The following CDH12 variants were observed in gnomAD, a reference collection of about 807,000 sequenced individuals.
CDH12 encodes the protein cadherin 12, also known as cadherin-12.
CDH12 carries 41 observed loss-of-function variants against 74.1 expected under a neutral mutation model. That is an observed-to-expected ratio of 0.55 (90% confidence interval 0.43 to 0.72). The LOEUF (loss-of-function observed/expected upper bound fraction) is 0.72. CDH12 is among the 30% of genes least tolerant of loss of function. The pLI, the probability that CDH12 is intolerant of heterozygous loss-of-function variation, is 0.00. For missense variants in CDH12, 945 were observed against 977.2 expected, an observed-to-expected ratio of 0.97 and a Z score of 0.44; for synonymous variants, 399 against 355.0, an observed-to-expected ratio of 1.12 and a Z score of -1.39.
At chr5:22,048,541 G>A (rs879857513) in intron 5 of CDH12, among the ~76,000 whole-genome samples, 5 of 152,028 alleles carry the variant, frequency 3.3e-5, no homozygotes, top group African/African-American at 7.2e-5. Context: ...ATTGAATGGC[G>A]GGGAAAGGTA....
At chr5:22,134,293 G>T (rs1021532970) in intron 4 of CDH12, among the ~76,000 whole-genome samples, 10 of 152,052 alleles carry the variant, frequency 6.6e-5, no homozygotes, top group African/African-American at 2.4e-4. Flanking sequence ...CTTGAGCTAT[G>T]GGCTATTAGC....
At chr5:22,479,180 G>T (rs180879521) in intron 2 of CDH12, among the ~76,000 whole-genome samples, 46 of 152,320 alleles carry the variant, frequency 3.0e-4, no homozygotes, top group East Asian at 1.4e-3. Context: ...TAAAACTGCT[G>T]AAGATAATAA....
At chr5:22,452,992 A>C (rs923878243) in intron 2 of CDH12, among the ~76,000 whole-genome samples, 10 of 151,738 alleles carry the variant, frequency 6.6e-5, no homozygotes, top group Non-Finnish European at 1.2e-4. Flanking sequence ...TATGTTCAAC[A>C]TCATTATTAA....
intron 3 of CDH12, 81 bp downstream of exon 3, chr5:22,405,176 C>T: frequency 3.6e-6 from 1 of 278,018 alleles, no homozygotes; most frequent in Non-Finnish European, 5.5e-6. Context: ...TGCCACTTCA[C>T]TCCAGTCTGG....
intron 9 of CDH12, among the ~76,000 whole-genome samples, chr5:21,807,438 C>T (rs569558707): frequency 2.0e-5 from 3 of 152,210 alleles, no homozygotes; most frequent in African/African-American, 4.8e-5. Flanking sequence ...GTGCAATGGG[C>T]AGGAAGAGCC....
intron 4 of CDH12, among the ~76,000 whole-genome samples, chr5:22,104,558 T>C (rs951030361): frequency 6.6e-6 from 1 of 152,204 alleles, no homozygotes; most frequent in Non-Finnish European, 1.5e-5. Flanking sequence ...GTATCTTTTC[T>C]AAGAATTTAC....
chr5:22,171,647 G>T (rs1372489611), intron 4 of CDH12, among the ~76,000 whole-genome samples: 2 of 151,964 alleles, frequency 1.3e-5, no homozygotes, highest in Non-Finnish European at 1.5e-5. Context: ...GAAGGACACA[G>T]AAACATAAAT....
At chr5:22,588,552 A>G (rs1049387271) in intron 1 of CDH12, among the ~76,000 whole-genome samples, 2 of 152,214 alleles carry the variant, frequency 1.3e-5, no homozygotes, top group African/African-American at 4.8e-5. Flanking sequence ...TTGCAACATG[A>G]GTAATATCCG....
intron 6 of CDH12, among the ~76,000 whole-genome samples, chr5:21,869,757 T>C (rs191976621): frequency 7.9e-5 from 12 of 152,290 alleles, no homozygotes; most frequent in Admixed American, 5.2e-4. Flanking sequence ...ACCTTGCTAT[T>C]GTCTTTATTT....
chr5:22,226,046 C>T (rs1293921794), intron 3 of CDH12, among the ~76,000 whole-genome samples: 1 of 151,942 alleles, frequency 6.6e-6, no homozygotes, highest in Non-Finnish European at 1.5e-5. Flanking sequence ...AGCTAGACGC[C>T]CCCTTTAGCT....
At chr5:22,112,090 G>T (rs979149113) in intron 4 of CDH12, among the ~76,000 whole-genome samples, 1 of 112,180 alleles carries the variant, frequency 8.9e-6, no homozygotes, top group Non-Finnish European at 1.9e-5. Flanking sequence ...AAACTGCTCT[G>T]CTATTTGTTT....
chr5:22,564,451 AT>A (rs1468619023), intron 1 of CDH12, among the ~76,000 whole-genome samples: 1 of 152,170 alleles, frequency 6.6e-6, no homozygotes, highest in South Asian at 2.1e-4. Flanking sequence ...TTACCACCAC[AT>A]TTTTAATATT....
At chr5:22,695,606 T>C (rs1450283161) in intron 1 of CDH12, among the ~76,000 whole-genome samples, 1 of 152,232 alleles carries the variant, frequency 6.6e-6, no homozygotes, top group African/African-American at 2.4e-5. Flanking sequence ...TAATACAGTG[T>C]TAAATCTTTA....
At chr5:21,845,554 T>C (rs1750118869) in intron 7 of CDH12, among the ~76,000 whole-genome samples, 1 of 138,660 alleles carries the variant, frequency 7.2e-6, no homozygotes, top group South Asian at 2.4e-4. Flanking sequence ...TCCACTTTAG[T>C]CTTTTTTTTT....
intron 2 of CDH12, among the ~76,000 whole-genome samples, chr5:22,449,201 A>G (rs533741769): frequency 6.6e-6 from 1 of 152,220 alleles, no homozygotes; most frequent in South Asian, 2.1e-4. Flanking sequence ...ATAAGTAGTA[A>G]TGACAGAACG....
intron 4 of CDH12, among the ~76,000 whole-genome samples, chr5:22,198,643 A>C (rs1400250959): frequency 6.6e-6 from 1 of 152,128 alleles, no homozygotes; most frequent in Non-Finnish European, 1.5e-5. Flanking sequence ...ACATGACTTC[A>C]ACAATTCTGC....
At chr5:22,105,916 A>G (rs1293893255) in intron 4 of CDH12, among the ~76,000 whole-genome samples, 1 of 152,150 alleles carries the variant, frequency 6.6e-6, no homozygotes, top group East Asian at 1.9e-4. Flanking sequence ...ACAGGATAAT[A>G]TAACTTTTCC....
intron 9 of CDH12, among the ~76,000 whole-genome samples, chr5:21,813,687 C>T (rs766999819): frequency 1.3e-5 from 2 of 152,090 alleles, no homozygotes; most frequent in Non-Finnish European, 2.9e-5. Flanking sequence ...AGTACACTCC[C>T]AATTCAGAGA....
chr5:21,892,765 G>A (rs1340739771), intron 6 of CDH12, among the ~76,000 whole-genome samples: 1 of 152,060 alleles, frequency 6.6e-6, no homozygotes, highest in Non-Finnish European at 1.5e-5. Context: ...AAAAAAATCT[G>A]TGATGCTGCC....
Sources: allele counts gnomAD v4.1 joint callset (sites outside exome capture counted in the v4.1 genomes callset), GRCh38; gene constraint gnomAD v4.1.1; transcripts MANE v1.5; gene names NCBI Gene and HGNC (gene_info 2026-07-23, HGNC 2026-07-21).